The following GOLPH3L variants were observed in gnomAD, a reference collection of about 807,000 sequenced individuals.
GOLPH3L encodes the protein golgi phosphoprotein 3 like.
A neutral mutation model predicts 30.3 loss-of-function variants in GOLPH3L; 22 were observed. That is an observed-to-expected ratio of 0.73 (90% CI 0.52 to 1.04). The LOEUF is 1.04. Ranked by LOEUF, GOLPH3L falls within the 50% of genes least tolerant of loss-of-function variation. GOLPH3L has a pLI of 0.00. For synonymous variants in GOLPH3L, 120 were observed against 128.2 expected (o/e 0.94, Z 0.43); for missense variants, 303 against 345.8 (o/e 0.88, Z 0.98).
At chr1:150,681,512 A>T (rs1382218618) in intron 2 of GOLPH3L, among the ~76,000 whole-genome samples, 3 of 152,186 alleles carry the variant, frequency 2.0e-5, no homozygotes, top group Admixed American at 6.6e-5. Context: ...TGGAGTGGTA[A>T]GTAGACTAAG....
At chr1:150,689,658 A>G (rs1438079283) in intron 2 of GOLPH3L, among the ~76,000 whole-genome samples, 2 of 152,064 alleles carry the variant, frequency 1.3e-5, no homozygotes, top group African/African-American at 2.4e-5. Flanking sequence ...ATTAGTTTAT[A>G]TTTTTTGAGG....
intron 2 of GOLPH3L, among the ~76,000 whole-genome samples, chr1:150,684,630 A>G (rs1651040857): frequency 6.6e-6 from 1 of 152,200 alleles, no homozygotes; most frequent in African/African-American, 2.4e-5. Context: ...TGACAAGAAA[A>G]ATAATGACTA....
At chr1:150,682,489 C>T (rs1014257952) in intron 2 of GOLPH3L, among the ~76,000 whole-genome samples, 7 of 151,672 alleles carry the variant, frequency 4.6e-5, no homozygotes, top group Non-Finnish European at 1.0e-4. Flanking sequence ...ATTAGCTGGG[C>T]GTGGTGGCCT....
intron 4 of GOLPH3L, among the ~76,000 whole-genome samples, chr1:150,656,287 C>T (rs1449511561): frequency 6.6e-6 from 1 of 152,150 alleles, no homozygotes. Context: ...TACCATTGTG[C>T]CACAAGAAGT....
chr1:150,667,617 G>A (rs1217806964), intron 2 of GOLPH3L, among the ~76,000 whole-genome samples: 8 of 141,474 alleles, frequency 5.7e-5, no homozygotes, highest in South Asian at 2.2e-4. Flanking sequence ...TTTTTGAGAC[G>A]GAGTCTCTCT....
chr1:150,648,251 C>G lies in GOLPH3L; in HGVS notation c.*70G>C, dbSNP rs1191812907. On this transcript the variant is annotated 3_prime_UTR_variant, in exon 5 of 5. Coordinates refer to ENST00000271732, the MANE Select transcript of GOLPH3L (RefSeq NM_018178.6). ...AAAATGATGAAAACATCTCATCACA[C>G]AAAACTCAGTGATGGGGTCTCTGAC... 9.0e-7 allele frequency: 1 copy of G among 1,116,274 alleles called. No individual in the cohort carries two copies. Among genetic ancestry groups the G allele is most frequent in the East Asian group, 2.4e-5 (1 of 42,102 alleles). The allele number at this position is 1,116,274 out of a possible 1,614,324, so 69.1% of individuals were successfully genotyped here.
At chr1:150,678,992 T>C (rs1354185137) in intron 2 of GOLPH3L, among the ~76,000 whole-genome samples, 2 of 152,118 alleles carry the variant, frequency 1.3e-5, no homozygotes, top group Non-Finnish European at 2.9e-5. Flanking sequence ...GGAAGTAAGA[T>C]TTCTTCTTTT....
intron 2 of GOLPH3L, 103 bp downstream of exon 2, chr1:150,694,553 T>C (rs1378705876): frequency 1.4e-6 from 1 of 722,626 alleles, no homozygotes; most frequent in African/African-American, 1.8e-5. Flanking sequence ...AGAGCACAAT[T>C]CTAAGACCAA....
intron 2 of GOLPH3L, among the ~76,000 whole-genome samples, chr1:150,679,143 G>A (rs1162946082): frequency 2.0e-5 from 3 of 151,996 alleles, no homozygotes; most frequent in Non-Finnish European, 4.4e-5. Context: ...TCTTTCTTAT[G>A]AGTGAAAATG....
intron 2 of GOLPH3L, among the ~76,000 whole-genome samples, chr1:150,677,504 G>A (rs1242766554): frequency 6.6e-6 from 1 of 151,932 alleles, no homozygotes; most frequent in Non-Finnish European, 1.5e-5. Context: ...TCCAAAAAAT[G>A]CTGGGATTAC....
intron 2 of GOLPH3L, among the ~76,000 whole-genome samples, chr1:150,678,200 G>C (rs1031389253): frequency 2.1e-5 from 3 of 145,432 alleles, no homozygotes; most frequent in Admixed American, 7.1e-5. Context: ...TCGGGAGGCT[G>C]AGGCAGGAGA....
intron 4 of GOLPH3L, among the ~76,000 whole-genome samples, chr1:150,651,306 C>T (rs181068228): frequency 8.6e-5 from 13 of 151,650 alleles, no homozygotes; most frequent in Admixed American, 3.9e-4. Flanking sequence ...AAGCAAGACT[C>T]CATCTCAAAA....
rs749115628 is a variant in GOLPH3L, at chr1:150,648,360, T to C, written c.819A>G (p.Glu273=). The part of the protein sequence containing the change: ...EVEGTKPSAT[E]MIWAVLAAFN... The stretch of plus-strand genomic sequence containing the variant: ...AGGCTGCCAGCACAGCCCAGATCAT[T>C]TCTGTGGCACTAGGCTTTGTCCCTT... The change falls in exon 5 of 5, where the codon GAA becomes GAG. Residue 273 remains glutamate, a synonymous_variant. Coordinates refer to ENST00000271732, the MANE Select transcript of GOLPH3L (RefSeq NM_018178.6). The C allele has an allele frequency of 7.4e-6, 12 of 1,613,566 alleles. No individual in the cohort carries two copies. The highest frequency in any genetic ancestry group is 1.3e-5 in the African/African-American group (1 of 75,048).
chr1:150,654,819 G>A (rs910183057), intron 4 of GOLPH3L, among the ~76,000 whole-genome samples: 6 of 152,298 alleles, frequency 3.9e-5, no homozygotes, highest in Admixed American at 3.9e-4. Flanking sequence ...GGGAACTCCC[G>A]CAAAAGGTCC....
Position 150,658,220 on chromosome 1 carries a change from C to A in GOLPH3L, c.430+3594G>T, listed in dbSNP as rs916963623. 3.3e-5 allele frequency among the ~76,000 whole-genome samples: 5 copies of A among 152,168 alleles called. No individual in the cohort carries two copies. The East Asian group carries it at 7.7e-4, about 23-fold the overall frequency. On this transcript the variant is annotated intron_variant, in intron 4 of 4. Coordinates refer to ENST00000271732, the MANE Select transcript of GOLPH3L (RefSeq NM_018178.6). ...AGCAACACCCGTTGAACACAGCCAC[C>A]CACCTGAGGGCAGATCAAGAAGCTG...
intron 4 of GOLPH3L, among the ~76,000 whole-genome samples, chr1:150,654,522 A>C (rs1050811759): frequency 1.3e-5 from 2 of 152,122 alleles, no homozygotes; most frequent in African/African-American, 4.8e-5. Flanking sequence ...AAAAAAAACA[A>C]AAAAACAAAA....
At chr1:150,685,448 CT>C (rs1435258514) in intron 2 of GOLPH3L, among the ~76,000 whole-genome samples, 1 of 152,198 alleles carries the variant, frequency 6.6e-6, no homozygotes, top group African/African-American at 2.4e-5. Flanking sequence ...GATGCAGTGG[CT>C]TATGCCTGTA....
Position 150,648,730 on chromosome 1 carries a change from A to G in GOLPH3L, c.449T>C (p.Phe150Ser), listed in dbSNP as rs1214168131. The change falls in exon 5 of 5, where the codon TTC becomes TCC. Residue 150 changes from phenylalanine to serine, a missense_variant. Coordinates refer to ENST00000271732, the MANE Select transcript of GOLPH3L (RefSeq NM_018178.6). Reference protein sequence around the residue: ...ELLTGETWNPFKLQYQLRNVR... With the variant: ...ELLTGETWNPSKLQYQLRNVR... ...ATTTCTCAGCTGGTACTGTAATTTG[A>G]AGGGGTTCCAGGTCTCACCTATGAG... 1 of 1,610,326 alleles carries G rather than the reference A, an allele frequency of 6.2e-7. No homozygotes were observed. Among genetic ancestry groups the G allele is most frequent in the East Asian group, 2.2e-5 (1 of 44,872 alleles).
At chr1:150,649,837 A>T (rs969757596) in intron 4 of GOLPH3L, among the ~76,000 whole-genome samples, 1 of 152,062 alleles carries the variant, frequency 6.6e-6, no homozygotes, top group African/African-American at 2.4e-5. Flanking sequence ...CTAAGCTTAA[A>T]AATAATAATA....
Sources: gnomAD v4.1 joint callset for allele counts (sites outside exome capture counted in the v4.1 genomes callset) on GRCh38, gnomAD v4.1.1 for gene constraint, MANE v1.5 for transcripts, NCBI Gene and HGNC (gene_info 2026-07-23, HGNC 2026-07-21) for gene names.